The following TAS2R1 variants were observed in gnomAD, a reference collection of about 807,000 sequenced individuals.
TAS2R1 encodes taste 2 receptor member 1.
For synonymous variants in TAS2R1, 141 were observed against 134.2 expected (o/e 1.05, Z -0.35); for missense variants, 370 against 353.4 (o/e 1.05, Z -0.38).
the TAS2R1 span, among the ~76,000 whole-genome samples, chr5:9,801,708 C>G: frequency 8.5e-5 from 13 of 152,148 alleles, no homozygotes; most frequent in African/African-American, 3.1e-4. Context: ...GTGAGACCAG[C>G]CTTTAGGACT....
the TAS2R1 span, among the ~76,000 whole-genome samples, chr5:9,761,424 A>G: frequency 2.0e-5 from 3 of 152,164 alleles, no homozygotes; most frequent in African/African-American, 7.2e-5. Flanking sequence ...GAAAAAAAAA[A>G]AAAAGTACAG....
At chr5:9,745,383 A>G in the TAS2R1 span, among the ~76,000 whole-genome samples, 2 of 152,166 alleles carry the variant, frequency 1.3e-5, no homozygotes, top group African/African-American at 2.4e-5. Flanking sequence ...TTTAAGAAAC[A>G]TATATTTGGA....
At chr5:9,791,570 A>G in the TAS2R1 span, among the ~76,000 whole-genome samples, 1 of 152,138 alleles carries the variant, frequency 6.6e-6, no homozygotes, top group Non-Finnish European at 1.5e-5. Context: ...ATCATGGCGC[A>G]TACCTGTGAT....
At chr5:9,840,839 T>G in the TAS2R1 span, among the ~76,000 whole-genome samples, 50 of 13,542 alleles carry the variant, frequency 3.7e-3, no homozygotes, top group African/African-American at 0.01. Flanking sequence ...TTTATTTTAT[T>G]TATTTATTTA....
At chr5:9,659,849 G>A (rs1268617909) in intron 1 of TAS2R1, 1 of 151,852 alleles carries the variant, frequency 6.6e-6, no homozygotes, top group Non-Finnish European at 1.5e-5. Flanking sequence ...GTGATGGTGG[G>A]GAAATACTTC....
chr5:9,712,001 AAG>A (rs1333679283), intron 1 of TAS2R1, among the ~76,000 whole-genome samples: 2 of 120,774 alleles, frequency 1.7e-5, no homozygotes, highest in African/African-American at 3.3e-5. Flanking sequence ...ACCACAACAA[AAG>A]AGAGAAAGAG....
chr5:9,746,812 T>G, the TAS2R1 span, among the ~76,000 whole-genome samples: 2 of 152,192 alleles, frequency 1.3e-5, no homozygotes, highest in African/African-American at 2.4e-5. Context: ...AAATACCTAA[T>G]GTATGTGGGG....
intron 1 of TAS2R1, among the ~76,000 whole-genome samples, chr5:9,675,480 A>C (rs970424207): frequency 2.1e-5 from 3 of 140,346 alleles, no homozygotes; most frequent in Non-Finnish European, 3.0e-5. Context: ...GCAGTGGCGT[A>C]ATCTTGGCTC....
At chr5:9,872,684 T>C in the TAS2R1 span, among the ~76,000 whole-genome samples, 1 of 152,240 alleles carries the variant, frequency 6.6e-6, no homozygotes, top group Non-Finnish European at 1.5e-5. Context: ...TGTGAATTTA[T>C]CCTACCCTTG....
chr5:9,830,885 T>A, the TAS2R1 span, among the ~76,000 whole-genome samples: 3 of 152,202 alleles, frequency 2.0e-5, no homozygotes, highest in African/African-American at 7.2e-5. Flanking sequence ...AGACAGCAAC[T>A]TAATCAAGCT....
At chr5:9,752,512 CATGA>C in the TAS2R1 span, among the ~76,000 whole-genome samples, 265 of 152,190 alleles carry the variant, frequency 1.7e-3, 1 homozygote, top group Non-Finnish European at 3.2e-3. Flanking sequence ...TGTTTTTATG[CATGA>C]ATGAAGAACT....
the TAS2R1 span, among the ~76,000 whole-genome samples, chr5:9,726,541 T>C: frequency 1.3e-5 from 2 of 152,212 alleles, no homozygotes; most frequent in Admixed American, 1.3e-4. Flanking sequence ...ACTGCCTTTA[T>C]GAGCTGTAAC....
chr5:9,892,595 C>A, the TAS2R1 span, among the ~76,000 whole-genome samples: 1 of 152,154 alleles, frequency 6.6e-6, no homozygotes, highest in African/African-American at 2.4e-5. Context: ...GGAGATGCCG[C>A]TATGCTGCCA....
intron 2 of TAS2R1, among the ~76,000 whole-genome samples, chr5:9,657,770 T>G (rs1265852255): frequency 6.6e-6 from 1 of 152,104 alleles, no homozygotes; most frequent in Non-Finnish European, 1.5e-5. Flanking sequence ...ACTTAATGAG[T>G]GCAGGGTTTC....
the TAS2R1 span, among the ~76,000 whole-genome samples, chr5:9,836,844 C>T: frequency 2.0e-5 from 3 of 152,080 alleles, no homozygotes; most frequent in African/African-American, 7.2e-5. Flanking sequence ...CAAGATTTTG[C>T]TTATTTATAT....
the TAS2R1 span, among the ~76,000 whole-genome samples, chr5:9,723,521 T>C: frequency 1.3e-5 from 2 of 152,176 alleles, no homozygotes; most frequent in African/African-American, 2.4e-5. Flanking sequence ...GGACAATATC[T>C]GACAAACACT....
At chr5:9,681,900 C>G (rs1003556249) in intron 1 of TAS2R1, among the ~76,000 whole-genome samples, 2 of 152,138 alleles carry the variant, frequency 1.3e-5, no homozygotes, top group Non-Finnish European at 2.9e-5. Flanking sequence ...AGCCATATTA[C>G]AGTTTAAAAT....
At chr5:9,680,144 A>G (rs956668516) in intron 1 of TAS2R1, among the ~76,000 whole-genome samples, 1 of 152,232 alleles carries the variant, frequency 6.6e-6, no homozygotes, top group African/African-American at 2.4e-5. Context: ...TGTGTACACC[A>G]AAAGAGTTCT....
At chr5:9,875,348 C>T in the TAS2R1 span, among the ~76,000 whole-genome samples, 3,577 of 152,278 alleles carry the variant, frequency 0.023, 153 homozygotes, top group African/African-American at 0.082. Flanking sequence ...ATAAGGCTGC[C>T]AGCTGAATTC....
Sources: allele counts gnomAD v4.1 joint callset (sites outside exome capture counted in the v4.1 genomes callset), GRCh38; gene constraint gnomAD v4.1.1; transcripts MANE v1.5; gene names NCBI Gene and HGNC (gene_info 2026-07-23, HGNC 2026-07-21).